Variants in CDH22 observed in about 807,000 individuals in gnomAD.
CDH22 encodes cadherin 22.
CDH22 carries 30 observed loss-of-function variants against 58.4 expected under a neutral mutation model. That is an observed-to-expected ratio of 0.51 (90% CI 0.38 to 0.70). The LOEUF (loss-of-function observed/expected upper bound fraction) is 0.70. CDH22 is among the 30% of genes least tolerant of loss of function. The pLI, the probability that CDH22 is intolerant of heterozygous loss-of-function variation, is 0.00. For synonymous variants in CDH22, 513 were observed against 558.2 expected, an observed-to-expected ratio of 0.92 and a Z score of 1.14; for missense variants, 1,014 against 1,233.9, an observed-to-expected ratio of 0.82 and a Z score of 2.67.
At chr20:46,231,534 G>A (rs1734904660) in intron 3 of CDH22, among the ~76,000 whole-genome samples, 1 of 152,160 alleles carries the variant, frequency 6.6e-6, no homozygotes, top group Non-Finnish European at 1.5e-5. Context: ...TCACAGAGGG[G>A]CTCGATGACT....
In CDH22 at chr20:46,239,212, A is replaced by C. The variant is rs374456714; in HGVS notation, c.550+1751T>G. On this transcript the variant is annotated intron_variant, in intron 3 of 11. Transcript: ENST00000537909. ...CACTGCTGTGTTCCCAGGGCCTAGC[A>C]TGTAGTATGCACTCAATAAATATTT... Among the ~76,000 whole-genome samples, 125 of 152,370 alleles carry C rather than the reference A, an allele frequency of 8.2e-4. 2 individuals carry two copies. The South Asian group carries it at 0.025, about 31-fold the overall frequency.
At chr20:46,233,231 G>A (rs1160415341) in intron 3 of CDH22, among the ~76,000 whole-genome samples, 3 of 152,138 alleles carry the variant, frequency 2.0e-5, no homozygotes, top group South Asian at 4.1e-4. Flanking sequence ...TCCAGGGAAC[G>A]TGAAACACCC....
At chr20:46,221,586 A>G (rs1161108750) in intron 4 of CDH22, among the ~76,000 whole-genome samples, 1 of 152,212 alleles carries the variant, frequency 6.6e-6, no homozygotes, top group African/African-American at 2.4e-5. Context: ...CAGAATTTGC[A>G]TAACATCACT....
At position 46,251,009 on chromosome 20, in the gene CDH22, G is replaced by T; in HGVS notation, c.255+31C>A. 2 of 1,395,062 alleles carry T rather than the reference G, an allele frequency of 1.4e-6. No individual in the cohort carries two copies. The highest frequency in any genetic ancestry group is 2.0e-6 in the Non-Finnish European group (2 of 983,434). The allele number at this position is 1,395,062 out of a possible 1,614,324, so 86.4% of individuals were successfully genotyped here. On this transcript the variant is annotated intron_variant, in intron 2 of 11. Transcript: ENST00000537909. This position sits in a 1 kb window ranked among gnomAD's most constrained non-coding sequence, Gnocchi z 6.7. ...CCCGTGGGTGTCCCCAGGGTCCTGG[G>T]ATCTGGAGTTGGAGTGGGGCCCCAC...
intron 1 of CDH22, among the ~76,000 whole-genome samples, chr20:46,307,199 C>T (rs1212915190): frequency 1.3e-5 from 2 of 152,232 alleles, no homozygotes; most frequent in African/African-American, 4.8e-5. Context: ...ACCTGAGCAG[C>T]TTCAAACAGC....
chr20:46,221,611 T>C (rs1256004071), intron 4 of CDH22, among the ~76,000 whole-genome samples: 1 of 152,216 alleles, frequency 6.6e-6, no homozygotes, highest in Non-Finnish European at 1.5e-5. Context: ...CCACATTCTA[T>C]TGGCCAAAGT....
chr20:46,305,794 C>T (rs1017512332), intron 1 of CDH22, among the ~76,000 whole-genome samples: 23 of 152,248 alleles, frequency 1.5e-4, no homozygotes, highest in African/African-American at 4.8e-4. Flanking sequence ...TTTGCCAACT[C>T]GGGAGGAGAC....
In CDH22 at chr20:46,241,372, A is replaced by C; in HGVS notation, c.256-115T>G. ...AGCCCATCTCTTCTCCAGCACATACACATCTTTAGTGAGGACACTGAGGCC... is the reference window on the plus strand; with the variant it reads ...AGCCCATCTCTTCTCCAGCACATACCCATCTTTAGTGAGGACACTGAGGCC... On this transcript the variant is annotated intron_variant, in intron 2 of 11. Coordinates refer to ENST00000537909, the MANE Select transcript of CDH22 (RefSeq NM_021248.3). This position sits in a 1 kb window ranked among gnomAD's most constrained non-coding sequence, Gnocchi z 5.2. The C allele has an allele frequency of 1.1e-6, 1 of 890,116 alleles. No homozygotes were observed. The highest frequency in any genetic ancestry group is 1.7e-6 in the Non-Finnish European group (1 of 595,732). 55.1% of individuals were successfully genotyped at this position (890,116 alleles called of 1,614,324 possible).
rs142793252 is a variant in CDH22 at position 46,246,797 on chromosome 20, A to T, written c.255+4243T>A. On this transcript the variant is annotated intron_variant, in intron 2 of 11. Transcript: ENST00000537909. ...GCTAAGCTACCTTTAGAATTCGACA[A>T]GGACGGATGCTCCGAGCGGCTCCCT... 7.7e-4 allele frequency among the ~76,000 whole-genome samples: 117 copies of T among 152,296 alleles called. 1 individual carries two copies. The East Asian group carries it at 0.017, about 22-fold the overall frequency.
Position 46,199,568 on chromosome 20 carries a change from G to A in CDH22, c.1287-9C>T, listed in dbSNP as rs1306227069. ...CGCGGTCAATGGCGTACCTGCGGGG[G>A]GCAGGGCAGGGCTGATTGAAGGTGC... On this transcript the variant is annotated splice_polypyrimidine_tract_variant and intron_variant, in intron 7 of 11. Transcript: ENST00000537909. 6.2e-7 allele frequency: 1 copy of A among 1,612,236 alleles called. No homozygotes were observed.
At chr20:46,192,580 TGGGAGG>T (rs1435651686) in intron 8 of CDH22, among the ~76,000 whole-genome samples, 1 of 108,178 alleles carries the variant, frequency 9.2e-6, no homozygotes, top group Non-Finnish European at 1.9e-5. Context: ...GGGGGTGGAG[TGGGAGG>T]GGGAGAGAGA....
At chr20:46,260,677 C>A (rs1568676890) in intron 1 of CDH22, among the ~76,000 whole-genome samples, 1 of 152,224 alleles carries the variant, frequency 6.6e-6, no homozygotes, top group Non-Finnish European at 1.5e-5. Flanking sequence ...CTGCTGCTTG[C>A]ACTTCCGGAG....
chr20:46,177,717 G>A (rs527506408), intron 11 of CDH22, among the ~76,000 whole-genome samples: 15 of 152,326 alleles, frequency 9.8e-5, no homozygotes, highest in African/African-American at 2.9e-4. Flanking sequence ...TGGGCTACAC[G>A]TGAATGGGGT....
chr20:46,242,407 C>G (rs1032507218), intron 2 of CDH22, among the ~76,000 whole-genome samples: 1 of 152,220 alleles, frequency 6.6e-6, no homozygotes, highest in African/African-American at 2.4e-5. Flanking sequence ...TGCATCCTCA[C>G]CCATCACTTT....
At chr20:46,218,629 A>G (rs967332057) in intron 4 of CDH22, among the ~76,000 whole-genome samples, 6 of 152,030 alleles carry the variant, frequency 3.9e-5, no homozygotes, top group East Asian at 1.9e-4. Context: ...CAACCAAATT[A>G]TCCCCCAGCC....
chr20:46,174,535 G>C lies in CDH22; in HGVS notation c.2458C>G (p.Arg820Gly). Residue 820 changes from arginine to glycine, a missense_variant, in exon 12 of 12, where the codon CGC (arginine) becomes GGC (glycine). Arg to Gly is a moderately radical substitution (Grantham distance 125). This residue lies in a region of CDH22 where 208 missense variants were observed against 195.2 expected (regional missense o/e 1.07). Transcript: ENST00000537909. The surrounding 1 kb of genome is among the most constrained non-coding windows in gnomAD (Gnocchi z 4.4). ...GAGGCCTGGGCCTCGTCGTCCCCGC[G>C]GTGGCCGGCGTAGAGCGCGGCCAGG... Reference protein sequence around the residue: ...RPLAALYAGHRGDDEAQAS With the variant: ...RPLAALYAGHGGDDEAQAS The C allele has an allele frequency of 2.6e-6, 4 of 1,519,250 alleles. No individual in the cohort carries two copies. Among genetic ancestry groups the C allele is most frequent in the Admixed American group, 4.0e-5 (2 of 49,596 alleles). 94.1% of individuals were successfully genotyped at this position (1,519,250 alleles called of 1,614,324 possible). A position where few individuals can be genotyped will look rare whatever the true frequency, so the allele number is the denominator to read the frequency against.
chr20:46,227,660 A>T, intron 3 of CDH22, 33 bp from the exon 4 acceptor site: 1 of 1,591,736 alleles, frequency 6.3e-7, no homozygotes, highest in Non-Finnish European at 8.6e-7. Flanking sequence ...GACAGGGGTC[A>T]TCTGGGGCTG....
rs1249495725 is a variant in CDH22 at position 46,301,665 on chromosome 20, G to A, written c.-400+6590C>T. Among the ~76,000 whole-genome samples the A allele has an allele frequency of 2.0e-5, 3 of 151,952 alleles. No individual in the cohort carries two copies. The East Asian group carries it at 5.8e-4, about 29-fold the overall frequency. ...GTCTCTACTAAAAATACAAAAATTG[G>A]CCGGGTGTTGTGGTGGGCACCTGTA... is the stretch of plus-strand genomic sequence containing the variant. On this transcript the variant is annotated intron_variant, in intron 1 of 11. Transcript: ENST00000537909.
At chr20:46,243,464 C>T (rs1474512188) in intron 2 of CDH22, among the ~76,000 whole-genome samples, 1 of 152,204 alleles carries the variant, frequency 6.6e-6, no homozygotes, top group African/African-American at 2.4e-5. Context: ...TAATGCCCGT[C>T]CTGGGCTCCA....
Sources: allele counts gnomAD v4.1 joint callset (sites outside exome capture counted in the v4.1 genomes callset), GRCh38; gene constraint gnomAD v4.1.1; regional missense constraint gnomAD v4.1.1; non-coding constraint Gnocchi (gnomAD v3.1); transcripts MANE v1.5; gene names NCBI Gene and HGNC (gene_info 2026-07-23, HGNC 2026-07-21).